XPNPEP1: variants seen among roughly 807,000 people sequenced by gnomAD.
XPNPEP1 encodes xaa-Pro aminopeptidase 1.
A neutral mutation model predicts 92.4 loss-of-function variants in XPNPEP1; 39 were observed. The ratio of observed to expected loss-of-function variants is 0.42; its 90% confidence interval spans 0.33 to 0.55. XPNPEP1 has a LOEUF of 0.55. XPNPEP1 is among the 20% of genes least tolerant of loss of function. The pLI, the probability that XPNPEP1 is intolerant of heterozygous loss-of-function variation, is 0.08. For missense variants in XPNPEP1, 654 were observed against 856.1 expected, an observed-to-expected ratio of 0.76 and a Z score of 2.95; for synonymous variants, 307 against 299.4, an observed-to-expected ratio of 1.03 and a Z score of -0.26.
intron 19 of XPNPEP1, 73 bp from the exon 20 acceptor site, chr10:109,868,785 CA>C: frequency 2.1e-6 from 3 of 1,404,570 alleles, no homozygotes; most frequent in Non-Finnish European, 3.0e-6. Flanking sequence ...GTCATTCCAC[CA>C]GCATGCCATC....
At chr10:109,917,184 G>A (rs987111321) in intron 1 of XPNPEP1, among the ~76,000 whole-genome samples, 18 of 151,960 alleles carry the variant, frequency 1.2e-4, no homozygotes, top group African/African-American at 4.1e-4. Flanking sequence ...TAGAAAAGAA[G>A]AAGTAAAACT....
chr10:109,865,242 C>A lies in XPNPEP1; in HGVS notation c.1943G>T (p.Arg648Leu), dbSNP rs752167837. The change falls in exon 21 of 21, where the codon CGC becomes CTC. Residue 648 changes from arginine (R) to leucine (L), a missense_variant. Arg to Leu is a moderately radical substitution (Grantham distance 102). Coordinates refer to ENST00000502935, the MANE Select transcript of XPNPEP1 (RefSeq NM_020383.4). ...GATGAGCCACTCGAGAGCTTCCTGGCGGCCCTGTTTCTGCAATTCCTTCCC... is the reference window on the plus strand; with the variant it reads ...GATGAGCCACTCGAGAGCTTCCTGGAGGCCCTGTTTCTGCAATTCCTTCCC... Reference protein sequence around the residue: ...VIGKELQKQGRQEALEWLIRE... With the variant: ...VIGKELQKQGLQEALEWLIRE... The A allele has an allele frequency of 1.9e-6, 3 of 1,614,016 alleles. No homozygotes were observed. The highest frequency in any genetic ancestry group is 2.5e-6 in the Non-Finnish European group (3 of 1,180,032).
Position 109,918,882 on chromosome 10 carries a change from A to G in XPNPEP1, c.33-3783T>C, listed in dbSNP as rs528502812. 2.3e-3 allele frequency among the ~76,000 whole-genome samples: 299 copies of G among 128,158 alleles called. 3 individuals carry two copies. Among genetic ancestry groups the G allele is most frequent in the African/African-American group, 6.6e-3 (228 of 34,726 alleles). 84.1% of individuals were successfully genotyped at this position (128,158 alleles called of 152,430 possible). A position where few individuals can be genotyped will look rare whatever the true frequency, so the allele number is the denominator to read the frequency against. ...AGGGAAGGAAGGAAGGAAGGAAGGA[A>G]GGAAGGAAGGAAGGAAGGAAGGAAG... On this transcript the variant is annotated intron_variant, in intron 1 of 20. Coordinates refer to ENST00000502935, the MANE Select transcript of XPNPEP1 (RefSeq NM_020383.4).
chr10:109,865,258 A>G lies in XPNPEP1; in HGVS notation c.1927T>C (p.Leu643=), dbSNP rs538836885. ...GCTTCCTGGCGGCCCTGTTTCTGCA[A>G]TTCCTTCCCAATCACATCCCTGCAG... is the stretch of plus-strand genomic sequence containing the variant. ...LTCRDVIGKE[L]QKQGRQEALE... Residue 643 remains leucine (L), a synonymous_variant, in exon 21 of 21, where the codon TTG becomes CTG. Transcript: ENST00000502935. The G allele has an allele frequency of 5.0e-4, 811 of 1,614,140 alleles. 5 individuals carry two copies. In the South Asian group the frequency reaches 7.6e-3, roughly 15 times the overall value.
chr10:109,884,469 G>A (rs1589573836), intron 8 of XPNPEP1: 1 of 223,008 alleles, frequency 4.5e-6, no homozygotes. Flanking sequence ...TGACCTGCCA[G>A]GCCTGGCCTT....
chr10:109,875,151 T>C (rs1266934356), intron 15 of XPNPEP1, among the ~76,000 whole-genome samples: 1 of 152,126 alleles, frequency 6.6e-6, no homozygotes, highest in Non-Finnish European at 1.5e-5. Context: ...ATTTATTCAT[T>C]CAAAATTAAT....
At chr10:109,882,772 A>C in intron 9 of XPNPEP1, 130 bp from the exon 10 acceptor site, 1 of 947,836 alleles carries the variant, frequency 1.1e-6, no homozygotes, top group Non-Finnish European at 1.6e-6. Context: ...TCTCCTCCCC[A>C]CTCCTTTCCC....
intron 1 of XPNPEP1, among the ~76,000 whole-genome samples, chr10:109,922,145 T>C (rs868754318): frequency 3.9e-5 from 6 of 152,322 alleles, no homozygotes; most frequent in Middle Eastern, 6.8e-3. Flanking sequence ...TGCTCACTTT[T>C]ACAAGGAATG....
intron 16 of XPNPEP1, 103 bp from the exon 17 acceptor site, chr10:109,871,964 T>G (rs1219836777): frequency 8.7e-7 from 1 of 1,152,082 alleles, no homozygotes; most frequent in Non-Finnish European, 1.2e-6. Context: ...TTTTTAGCAA[T>G]ATCATAGAGA....
intron 2 of XPNPEP1, 34 bp from the exon 3 acceptor site, chr10:109,907,849 C>A: frequency 6.2e-7 from 1 of 1,612,100 alleles, no homozygotes; most frequent in Non-Finnish European, 8.5e-7. Flanking sequence ...TCAAAACCAG[C>A]CTGCCCCCAG....
At chr10:109,914,988 TA>T in intron 2 of XPNPEP1, 22 bp downstream of exon 2, 1 of 1,478,978 alleles carries the variant, frequency 6.8e-7, no homozygotes, top group South Asian at 1.3e-5. Context: ...ATGTTCCATC[TA>T]ATTTCCAGAC....
chr10:109,869,781 GC>G lies in XPNPEP1; in HGVS notation c.1773+171del, dbSNP rs1847347070. 4.3e-5 allele frequency: 25 copies of G among 577,198 alleles called. No homozygotes were observed. The South Asian group carries it at 5.7e-4, about 13-fold the overall frequency. 35.8% of individuals were successfully genotyped at this position (577,198 alleles called of 1,614,324 possible). ...ATCTGGAGAAGAAGGCTCCATGTTG[GC>G]CCCAGAATGGCATACTCTTGGCTCC... On this transcript the variant is annotated intron_variant, in intron 19 of 20. Coordinates refer to ENST00000502935, the MANE Select transcript of XPNPEP1 (RefSeq NM_020383.4).
chr10:109,898,637 T>C (rs997756296), intron 3 of XPNPEP1, among the ~76,000 whole-genome samples: 1 of 152,332 alleles, frequency 6.6e-6, no homozygotes, highest in Admixed American at 6.5e-5. Flanking sequence ...CCAATTAGCC[T>C]AATGGCAGGG....
chr10:109,910,563 C>T (rs1849811897), intron 2 of XPNPEP1, among the ~76,000 whole-genome samples: 1 of 150,722 alleles, frequency 6.6e-6, no homozygotes, highest in Non-Finnish European at 1.5e-5. Context: ...AAAAAAAAGA[C>T]AATATGCATT....
intron 3 of XPNPEP1, among the ~76,000 whole-genome samples, chr10:109,901,277 G>T (rs952032154): frequency 9.0e-6 from 1 of 111,186 alleles, no homozygotes; most frequent in Non-Finnish European, 1.8e-5. Flanking sequence ...GGGGGAGGGG[G>T]GAGGGATAGC....
At position 109,880,221 on chromosome 10, in the gene XPNPEP1, A is replaced by G. The variant is rs1370778205; in HGVS notation, c.1149T>C (p.Ala383=). ...MRRAHIKDAV[A]LCELFNWLEK... ...CCAGCCAGTTAAAGAGTTCACAGAGAGCAACAGCATCTTTAATCTGTGCAA... is the reference window on the plus strand; with the variant it reads ...CCAGCCAGTTAAAGAGTTCACAGAGGGCAACAGCATCTTTAATCTGTGCAA... Residue 383 remains alanine (A), a synonymous_variant, in exon 12 of 21, where the codon GCT becomes GCC. Coordinates refer to ENST00000502935, the MANE Select transcript of XPNPEP1 (RefSeq NM_020383.4). The G allele has an allele frequency of 6.2e-7, 1 of 1,614,044 alleles. No individual in the cohort carries two copies. The highest frequency in any genetic ancestry group is 1.7e-5 in the Admixed American group (1 of 60,032).
chr10:109,875,609 T>G lies in XPNPEP1; in HGVS notation c.1320-10A>C. The G allele has an allele frequency of 6.2e-7, 1 of 1,613,098 alleles. No homozygotes were observed. Among genetic ancestry groups the G allele is most frequent in the African/African-American group, 1.3e-5 (1 of 74,990 alleles). ...CGTCTCAGGGACTGGCCTAACAAAG[T>G]TAATTAAAAATTAATTATTCCACAA... On this transcript the variant is annotated splice_polypyrimidine_tract_variant and intron_variant, in intron 14 of 20. Coordinates refer to ENST00000502935, the MANE Select transcript of XPNPEP1 (RefSeq NM_020383.4).
At chr10:109,888,444 T>A in intron 6 of XPNPEP1, 59 bp downstream of exon 6, 1 of 1,500,606 alleles carries the variant, frequency 6.7e-7, no homozygotes, top group Non-Finnish European at 9.1e-7. Context: ...ATGAGGAGAA[T>A]GGAGGGGAAT....
Position 109,882,549 on chromosome 10 carries a change from C to A in XPNPEP1, c.924G>T (p.Val308=), listed in dbSNP as rs748463969. Residue 308 remains valine (V), a synonymous_variant, in exon 10 of 21, where the codon GTG becomes GTT. Transcript: ENST00000502935. ...LGLEAEYRIQ[V]HPYKSILSEL... ...CGCTCAGGATGGACTTGTAGGGATG[C>A]ACCTGGATCCTGTATTCGGCTTCCA... The A allele has an allele frequency of 6.2e-7, 1 of 1,614,204 alleles. No individual in the cohort carries two copies. The highest frequency in any genetic ancestry group is 8.5e-7 in the Non-Finnish European group (1 of 1,180,022).
Sources: gnomAD v4.1 joint callset for allele counts (sites outside exome capture counted in the v4.1 genomes callset) on GRCh38, gnomAD v4.1.1 for gene constraint, MANE v1.5 for transcripts, NCBI Gene and HGNC (gene_info 2026-07-23, HGNC 2026-07-21) for gene names.